FAAH2: variants seen among roughly 807,000 people sequenced by gnomAD.
FAAH2 encodes the protein fatty-acid amide hydrolase 2.
In FAAH2, 60 loss-of-function variants were observed where a neutral mutation model predicts 36.9. The ratio of observed to expected loss-of-function variants is 1.63; its 90% confidence interval spans 1.32 to 2.02. The LOEUF is 2.02. Ranked by LOEUF, FAAH2 falls within the 30% of genes most tolerant of loss-of-function variation. The probability of loss-of-function intolerance (pLI) is 0.00; values close to 1 mark genes in which losing one functional copy is unlikely to be tolerated. For missense variants in FAAH2, 689 were observed against 397.5 expected (o/e 1.73, Z -6.23); for synonymous variants, 214 against 143.8 (o/e 1.49, Z -3.49).
chrX:57,135,727 C>A, the FAAH2 span: 1 of 1,149,336 alleles, frequency 8.7e-7, no homozygotes, highest in Non-Finnish European at 1.2e-6. Context: ...ATCAGGGATT[C>A]CATAAGCTTT....
At chrX:57,356,251 G>T in intron 5 of FAAH2, among the ~76,000 whole-genome samples, 1 of 110,173 alleles carries the variant, frequency 9.1e-6, no homozygotes. Flanking sequence ...TATATGGTTT[G>T]GTATCAGGGT....
intron 7 of FAAH2, chrX:57,392,549 T>C (rs2055191323): frequency 1.3e-6 from 1 of 798,255 alleles, no homozygotes. Flanking sequence ...AGGGGCTGAC[T>C]CTTGGCTGCC....
chrX:57,386,236 A>G (rs2147250686), intron 7 of FAAH2, among the ~76,000 whole-genome samples: 1 of 111,948 alleles, frequency 8.9e-6, no homozygotes, highest in African/African-American at 3.2e-5. Flanking sequence ...TTAACAGGCT[A>G]TAACCTATTA....
intron 7 of FAAH2, among the ~76,000 whole-genome samples, chrX:57,400,668 G>T (rs755811415): frequency 8.9e-6 from 1 of 112,452 alleles, no homozygotes; most frequent in East Asian, 2.8e-4. Flanking sequence ...GTTGCTTTAG[G>T]GTTTTGGGAT....
At chrX:57,251,219 T>C in the FAAH2 span, among the ~76,000 whole-genome samples, 1 of 112,356 alleles carries the variant, frequency 8.9e-6, no homozygotes, top group Admixed American at 9.5e-5. Context: ...ATAAATGTGA[T>C]ACATTACTTT....
chrX:57,323,959 T>A (rs1369534956), intron 3 of FAAH2, among the ~76,000 whole-genome samples: 1 of 111,235 alleles, frequency 9.0e-6, no homozygotes, highest in Non-Finnish European at 1.9e-5. Flanking sequence ...TCTTCTAGGG[T>A]TTTTATGGTT....
the FAAH2 span, chrX:57,228,913 A>C: frequency 9.2e-6 from 1 of 109,094 alleles, no homozygotes; most frequent in Non-Finnish European, 1.9e-5. Flanking sequence ...AACCTAAAGC[A>C]AAAAAAACAG....
the FAAH2 span, among the ~76,000 whole-genome samples, chrX:57,235,813 C>T: frequency 8.9e-6 from 1 of 112,588 alleles, no homozygotes; most frequent in East Asian, 2.8e-4. Context: ...TTAGCATGCC[C>T]ATCCCACCAA....
At chrX:57,433,718 T>A (rs1243835743) in intron 8 of FAAH2, among the ~76,000 whole-genome samples, 1 of 112,451 alleles carries the variant, frequency 8.9e-6, no homozygotes, top group Non-Finnish European at 1.9e-5. Flanking sequence ...TTATTTCTTC[T>A]CTTTTTATAC....
chrX:57,263,531 C>T, the FAAH2 span, among the ~76,000 whole-genome samples: 4 of 111,602 alleles, frequency 3.6e-5, no homozygotes, highest in African/African-American at 6.5e-5. Context: ...AATTAATATA[C>T]AAATTTAACA....
chrX:57,368,126 C>A (rs1328864448), intron 5 of FAAH2, among the ~76,000 whole-genome samples: 1 of 110,921 alleles, frequency 9.0e-6, no homozygotes, highest in African/African-American at 3.3e-5. Context: ...TCCATCTACC[C>A]CATTCCAGTG....
At chrX:57,390,662 T>A (rs1478171052) in intron 7 of FAAH2, among the ~76,000 whole-genome samples, 1 of 111,776 alleles carries the variant, frequency 8.9e-6, no homozygotes, top group Admixed American at 9.5e-5. Context: ...CATGCTTTCA[T>A]TTTTTATGGC....
chrX:57,248,346 T>G, the FAAH2 span, among the ~76,000 whole-genome samples: 1,091 of 112,048 alleles, frequency 9.7e-3, 15 homozygotes, highest in African/African-American at 0.034. Flanking sequence ...AGGGAACACC[T>G]GCTAGGAGTA....
rs767409819 is a variant in FAAH2, at chrX:57,394,067, A to G, written c.996+13038A>G. On this transcript the variant is annotated intron_variant, in intron 7 of 10. Coordinates refer to ENST00000374900, the MANE Select transcript of FAAH2 (RefSeq NM_174912.4). ...CAGTTCATGAAATATCTGAGCATCA[A>G]TAGCCGCAGCAACAAGGTTATTAGA... 273 of 730,685 alleles carry G rather than the reference A, an allele frequency of 3.7e-4. 1 individual carries two copies. Among genetic ancestry groups the G allele is most frequent in the Admixed American group, 1.8e-4 (8 of 44,901 alleles). The allele number at this position is 730,685 out of a possible 1,213,427, so 60.2% of individuals were successfully genotyped here. A position where few individuals can be genotyped will look rare whatever the true frequency, so the allele number is the denominator to read the frequency against.
upstream of FAAH2, among the ~76,000 whole-genome samples, chrX:57,283,269 T>A (rs1875593183): frequency 9.1e-6 from 1 of 110,009 alleles, no homozygotes; most frequent in Non-Finnish European, 1.9e-5. Flanking sequence ...CTTTTGGTTG[T>A]CTCTGGGACC....
At chrX:57,459,387 T>C (rs1192406288) in intron 10 of FAAH2, among the ~76,000 whole-genome samples, 1 of 112,030 alleles carries the variant, frequency 8.9e-6, no homozygotes, top group African/African-American at 3.2e-5. Flanking sequence ...GGGGAAAGGG[T>C]GGCTGTGGGC....
chrX:57,186,739 A>G, the FAAH2 span, among the ~76,000 whole-genome samples: 1 of 112,018 alleles, frequency 8.9e-6, no homozygotes, highest in East Asian at 2.8e-4. Flanking sequence ...TAATTTTTGT[A>G]TAAGGTGTAA....
At chrX:57,295,334 T>A (rs1012200409) in intron 2 of FAAH2, among the ~76,000 whole-genome samples, 1 of 112,263 alleles carries the variant, frequency 8.9e-6, no homozygotes, top group Non-Finnish European at 1.9e-5. Context: ...GCAGGCAAAC[T>A]GGAAGAAACA....
chrX:57,468,624 G>T (rs1351238675), intron 10 of FAAH2, among the ~76,000 whole-genome samples: 4 of 112,039 alleles, frequency 3.6e-5, no homozygotes, highest in Non-Finnish European at 5.6e-5. Flanking sequence ...ACGTCTGACT[G>T]GTGTACCTGA....
Sources: gnomAD v4.1 joint callset for allele counts (sites outside exome capture counted in the v4.1 genomes callset) on GRCh38, gnomAD v4.1.1 for gene constraint, MANE v1.5 for transcripts, NCBI Gene and HGNC (gene_info 2026-07-23, HGNC 2026-07-21) for gene names.